EPHA5: variants seen among roughly 807,000 people sequenced by gnomAD.
The protein encoded by EPHA5 is EPH receptor A5.
Under a neutral mutation model 105.0 loss-of-function variants are expected in EPHA5, and 60 were observed. The observed-to-expected ratio is 0.57, with a 90% CI of 0.46 to 0.71. The LOEUF (loss-of-function observed/expected upper bound fraction) is 0.71, where lower values mean the gene tolerates loss of function less well. Among genes scored for constraint, EPHA5 ranks in the 30% least tolerant of loss-of-function variants. The pLI is 0.00. For missense variants in EPHA5, 1,218 were observed against 1,274.7 expected (o/e 0.96, Z 0.68); for synonymous variants, 513 against 449.1 (o/e 1.14, Z -1.80).
At chr4:65,386,098 T>C (rs981507659) in intron 8 of EPHA5, among the ~76,000 whole-genome samples, 1 of 151,852 alleles carries the variant, frequency 6.6e-6, no homozygotes, top group Non-Finnish European at 1.5e-5. Flanking sequence ...TTATATCCCG[T>C]GCAAAATAAA....
chr4:65,524,019 C>T (rs1735006447), intron 3 of EPHA5, among the ~76,000 whole-genome samples: 1 of 151,852 alleles, frequency 6.6e-6, no homozygotes, highest in African/African-American at 2.4e-5. Context: ...ACGACTTGGT[C>T]TCTCCTTCCA....
intron 5 of EPHA5, among the ~76,000 whole-genome samples, chr4:65,455,677 T>C (rs1727509372): frequency 6.6e-6 from 1 of 152,162 alleles, no homozygotes; most frequent in African/African-American, 2.4e-5. Context: ...TCAGTAACAT[T>C]ACTATGTAAT....
At chr4:65,620,108 G>GTATATATA (rs34861369) in intron 2 of EPHA5, among the ~76,000 whole-genome samples, 1,847 of 137,290 alleles carry the variant, frequency 0.013, 48 homozygotes, top group African/African-American at 0.044. Flanking sequence ...TTGGACTCAG[G>GTATATATA]TATATATATA....
chr4:65,528,533 G>T (rs989191090), intron 3 of EPHA5, among the ~76,000 whole-genome samples: 1 of 152,028 alleles, frequency 6.6e-6, no homozygotes, highest in Non-Finnish European at 1.5e-5. Context: ...ACAGGCACTT[G>T]TTTATTAAAA....
At chr4:65,353,622 A>G (rs1723035823) in intron 11 of EPHA5, among the ~76,000 whole-genome samples, 2 of 151,720 alleles carry the variant, frequency 1.3e-5, no homozygotes, top group South Asian at 4.1e-4. Flanking sequence ...TAATAGAAAT[A>G]ATGATATAAT....
intron 11 of EPHA5, among the ~76,000 whole-genome samples, chr4:65,362,893 A>C (rs1207511727): frequency 2.0e-5 from 3 of 151,694 alleles, no homozygotes; most frequent in Middle Eastern, 3.2e-3. Context: ...AAATATAAGC[A>C]AAAGAGACAA....
chr4:65,634,290 C>T (rs1746912109), intron 2 of EPHA5, among the ~76,000 whole-genome samples: 1 of 151,914 alleles, frequency 6.6e-6, no homozygotes, highest in African/African-American at 2.4e-5. Context: ...ACAGTGATAC[C>T]TAATGAAGCT....
intron 8 of EPHA5, among the ~76,000 whole-genome samples, chr4:65,401,486 C>T (rs1285053271): frequency 2.0e-5 from 3 of 151,862 alleles, no homozygotes; most frequent in African/African-American, 4.8e-5. Flanking sequence ...AAATGTCCCC[C>T]GAAATTCAAG....
At chr4:65,616,838 TA>T (rs1381214842) in intron 2 of EPHA5, among the ~76,000 whole-genome samples, 1 of 152,060 alleles carries the variant, frequency 6.6e-6, no homozygotes, top group East Asian at 1.9e-4. Flanking sequence ...ATAATCTCAC[TA>T]AATATTTCAT....
chr4:65,387,582 C>A (rs1024381699), intron 8 of EPHA5, among the ~76,000 whole-genome samples: 3 of 151,762 alleles, frequency 2.0e-5, no homozygotes, highest in Non-Finnish European at 4.4e-5. Flanking sequence ...TAAAAAAAAG[C>A]CTTACCCTGG....
chr4:65,578,586 C>G lies in EPHA5; in HGVS notation c.910+23055G>C, dbSNP rs889515822. Among the ~76,000 whole-genome samples the G allele has an allele frequency of 2.2e-4, 34 of 152,196 alleles. 1 individual carries two copies. The highest frequency in any genetic ancestry group is 2.1e-3 in the Admixed American group (32 of 15,282). ...CGTTGTAAACTTGTGAAGACTTCTA[C>G]TACATAAAGAATGTATCTAAATTAA... On this transcript the variant is annotated intron_variant, in intron 3 of 16. Coordinates refer to ENST00000613740, the MANE Select transcript of EPHA5 (RefSeq NM_001281766.3).
intron 3 of EPHA5, among the ~76,000 whole-genome samples, chr4:65,519,943 C>T (rs927807135): frequency 2.3e-4 from 35 of 152,094 alleles, no homozygotes; most frequent in African/African-American, 7.2e-4. Context: ...GTGAAAATGG[C>T]CATACTGCCC....
chr4:65,611,948 C>G (rs1055681831), intron 2 of EPHA5, among the ~76,000 whole-genome samples: 1 of 134,328 alleles, frequency 7.4e-6, no homozygotes, highest in African/African-American at 2.8e-5. Flanking sequence ...ACCTGGCAGG[C>G]GGAGTCTGCA....
intron 2 of EPHA5, among the ~76,000 whole-genome samples, chr4:65,612,526 T>C (rs1429657046): frequency 6.6e-6 from 1 of 152,200 alleles, no homozygotes; most frequent in African/African-American, 2.4e-5. Flanking sequence ...TATTGAGTAA[T>C]ATTTCACTGA....
intron 5 of EPHA5, among the ~76,000 whole-genome samples, chr4:65,449,536 A>G (rs1726879720): frequency 6.6e-6 from 1 of 152,186 alleles, no homozygotes; most frequent in Non-Finnish European, 1.5e-5. Context: ...ACAGTCTTAT[A>G]GTGGAAGAAT....
chr4:65,349,232 T>G (rs1722587421), intron 13 of EPHA5, among the ~76,000 whole-genome samples: 2 of 152,102 alleles, frequency 1.3e-5, no homozygotes, highest in Admixed American at 1.3e-4. Context: ...GGTTCAACTG[T>G]TTAAGAGGAG....
At chr4:65,527,456 T>A (rs1305138880) in intron 3 of EPHA5, among the ~76,000 whole-genome samples, 2 of 152,058 alleles carry the variant, frequency 1.3e-5, no homozygotes, top group African/African-American at 2.4e-5. Context: ...GTACAAAAAG[T>A]CATAACTTCA....
chr4:65,430,462 T>C (rs751640762), intron 5 of EPHA5, among the ~76,000 whole-genome samples: 4 of 152,084 alleles, frequency 2.6e-5, no homozygotes, highest in Non-Finnish European at 5.9e-5. Flanking sequence ...TAGATGTATG[T>C]ATGAATACAT....
intron 5 of EPHA5, among the ~76,000 whole-genome samples, chr4:65,478,686 G>T (rs1218499735): frequency 1.3e-5 from 2 of 152,068 alleles, no homozygotes; most frequent in Non-Finnish European, 2.9e-5. Context: ...TGGCCAGGCT[G>T]GTCTCAAACT....
Sources: allele counts gnomAD v4.1 joint callset (sites outside exome capture counted in the v4.1 genomes callset), GRCh38; gene constraint gnomAD v4.1.1; transcripts MANE v1.5; gene names NCBI Gene and HGNC (gene_info 2026-07-23, HGNC 2026-07-21).